MYRFL: variants seen among roughly 807,000 people sequenced by gnomAD.
MYRFL encodes the protein myelin regulatory factor-like protein.
MYRFL carries 88 observed loss-of-function variants against 109.4 expected under a neutral mutation model. That is an observed-to-expected ratio of 0.80 (90% CI 0.68 to 0.96). MYRFL has a LOEUF of 0.96. Ranked by LOEUF, MYRFL falls within the 40% of genes least tolerant of loss-of-function variation. The probability of loss-of-function intolerance (pLI) is 0.00; values close to 1 mark genes in which losing one functional copy is unlikely to be tolerated. For missense variants in MYRFL, 957 were observed against 954.9 expected (o/e 1.00, Z -0.03); for synonymous variants, 324 against 320.9 (o/e 1.01, Z -0.10).
chr12:69,888,735 A>G (rs1022878891), intron 6 of MYRFL, among the ~76,000 whole-genome samples: 3 of 152,206 alleles, frequency 2.0e-5, no homozygotes, highest in Admixed American at 2.0e-4. Flanking sequence ...AGCATAAAAC[A>G]TCACCAAAAA....
chr12:69,860,414 A>G (rs1884573536), intron 2 of MYRFL, among the ~76,000 whole-genome samples: 1 of 152,066 alleles, frequency 6.6e-6, no homozygotes, highest in African/African-American at 2.4e-5. Flanking sequence ...TCTTTTGATT[A>G]GTGTTTTTGT....
chr12:69,953,585 A>G (rs544495370), intron 21 of MYRFL, among the ~76,000 whole-genome samples: 47 of 152,124 alleles, frequency 3.1e-4, no homozygotes, highest in African/African-American at 1.1e-3. Flanking sequence ...CCTGGGCAAC[A>G]TGATGAGATC....
rs189331072 is a variant in MYRFL, at chr12:69,846,144, C to T, written c.47-9136C>T. Among the ~76,000 whole-genome samples the T allele has an allele frequency of 7.3e-3, 733 of 100,250 alleles. 7 individuals are homozygous for T. The highest frequency in any genetic ancestry group is 0.013 in the Middle Eastern group (2 of 150). 65.8% of individuals were successfully genotyped at this position (100,250 alleles called of 152,430 possible). On this transcript the variant is annotated intron_variant, in intron 1 of 24. Transcript: ENST00000552032. ...TTTTTTTTTTTTTTTATGACTGCCACAGTACTAGATACTTTTGTATGTCTC... is the reference window on the plus strand; with the variant it reads ...TTTTTTTTTTTTTTTATGACTGCCATAGTACTAGATACTTTTGTATGTCTC...
At chr12:69,848,178 T>A (rs537346371) in intron 1 of MYRFL, among the ~76,000 whole-genome samples, 127 of 152,252 alleles carry the variant, frequency 8.3e-4, no homozygotes, top group Non-Finnish European at 1.3e-3. Context: ...AATATTGGTC[T>A]GTTTATTGTT....
At chr12:69,854,395 T>G (rs1373262160) in intron 1 of MYRFL, among the ~76,000 whole-genome samples, 2 of 151,904 alleles carry the variant, frequency 1.3e-5, no homozygotes, top group East Asian at 1.9e-4. Flanking sequence ...TTAATTTTTT[T>G]GTTTTTGAGA....
At chr12:69,901,282 A>G (rs922368090) in intron 10 of MYRFL, among the ~76,000 whole-genome samples, 7 of 152,250 alleles carry the variant, frequency 4.6e-5, no homozygotes, top group Non-Finnish European at 1.0e-4. Context: ...AATTCCAGAA[A>G]GAGGTAGTAT....
rs74101359 is a variant in MYRFL, at chr12:69,870,843, C to G, written c.138-8185C>G. Among the ~76,000 whole-genome samples the G allele has an allele frequency of 2.4e-3, 367 of 152,314 alleles. 1 individual carries two copies. The highest frequency in any genetic ancestry group is 8.3e-3 in the African/African-American group (346 of 41,578). ...AAACCACCAACACATATTCCTGTCACTCAACGCAGGGACTTTTGGTTCTCG... is the reference window on the plus strand; with the variant it reads ...AAACCACCAACACATATTCCTGTCAGTCAACGCAGGGACTTTTGGTTCTCG... On this transcript the variant is annotated intron_variant, in intron 2 of 24. Coordinates refer to ENST00000552032, the MANE Select transcript of MYRFL (RefSeq NM_182530.3).
intron 13 of MYRFL, among the ~76,000 whole-genome samples, chr12:69,916,518 T>G (rs1335549909): frequency 6.6e-6 from 1 of 152,216 alleles, no homozygotes; most frequent in Admixed American, 6.5e-5. Flanking sequence ...ATATCAGTTC[T>G]CTTCTTTATT....
intron 7 of MYRFL, among the ~76,000 whole-genome samples, chr12:69,891,637 T>TTTTCTTTTTCTTTC (rs1886865615): frequency 5.6e-5 from 3 of 53,788 alleles, no homozygotes; most frequent in African/African-American, 1.7e-4. Context: ...CTTCCTTTCT[T>TTTTCTTTTTCTTTC]TTTCTTTCTT....
intron 10 of MYRFL, among the ~76,000 whole-genome samples, chr12:69,901,883 GT>G (rs1274815385): frequency 2.7e-5 from 2 of 75,334 alleles, no homozygotes; most frequent in Non-Finnish European, 6.2e-5. Context: ...TTTCACTGCT[GT>G]TTTTTTTTGT....
intron 19 of MYRFL, among the ~76,000 whole-genome samples, chr12:69,950,412 C>T (rs977012979): frequency 6.6e-6 from 1 of 152,158 alleles, no homozygotes; most frequent in Non-Finnish European, 1.5e-5. Flanking sequence ...CAGTCCATCT[C>T]CTATCTCCAT....
chr12:69,925,792 C>CT (rs1014292650), intron 13 of MYRFL, among the ~76,000 whole-genome samples: 2 of 151,686 alleles, frequency 1.3e-5, no homozygotes, highest in Non-Finnish European at 2.9e-5. Flanking sequence ...AAAAAAATTG[C>CT]TTTTTTTTAG....
chr12:69,883,640 A>G (rs1275757346), intron 5 of MYRFL, among the ~76,000 whole-genome samples: 1 of 150,906 alleles, frequency 6.6e-6, no homozygotes, highest in Non-Finnish European at 1.5e-5. Context: ...AGGTGGGTGG[A>G]TCGCTTGAGC....
chr12:69,889,789 G>A (rs1470299780), intron 6 of MYRFL, among the ~76,000 whole-genome samples: 5 of 152,064 alleles, frequency 3.3e-5, no homozygotes, highest in African/African-American at 1.2e-4. Context: ...CCCGGGAGGC[G>A]GAGGTCGCAG....
chr12:69,938,891 G>A (rs1186879346), intron 19 of MYRFL, among the ~76,000 whole-genome samples: 1 of 152,178 alleles, frequency 6.6e-6, no homozygotes, highest in African/African-American at 2.4e-5. Context: ...GAAGCGCAGG[G>A]TTCAGGGAGT....
intron 1 of MYRFL, among the ~76,000 whole-genome samples, chr12:69,850,112 C>A (rs1403051515): frequency 1.3e-5 from 2 of 152,170 alleles, no homozygotes; most frequent in Non-Finnish European, 2.9e-5. Flanking sequence ...GGGAGTTTCC[C>A]TGCACAAGCT....
chr12:69,898,437 A>G (rs1484551718), intron 10 of MYRFL, among the ~76,000 whole-genome samples: 1 of 152,186 alleles, frequency 6.6e-6, no homozygotes, highest in Non-Finnish European at 1.5e-5. Context: ...CATGCAGCAA[A>G]TGAGGATCAT....
chr12:69,835,019 G>C (rs1882851094), intron 1 of MYRFL, among the ~76,000 whole-genome samples: 1 of 152,192 alleles, frequency 6.6e-6, no homozygotes, highest in African/African-American at 2.4e-5. Flanking sequence ...GAAGGATTTT[G>C]TTCTAATTTT....
In MYRFL at chr12:69,958,554, A is replaced by G. The variant is rs1243779381; in HGVS notation, c.*23A>G. 7 of 1,481,032 alleles carry G rather than the reference A, an allele frequency of 4.7e-6. No homozygotes were observed. Among genetic ancestry groups the G allele is most frequent in the Non-Finnish European group, 5.4e-6 (6 of 1,107,910 alleles). The allele number at this position is 1,481,032 out of a possible 1,614,324, so 91.7% of individuals were successfully genotyped here. ...TAATTTGTTCAAGTTTGGGGACTTT[A>G]CCAAAGAAAAATACTCAGGAATACA... On this transcript the variant is annotated 3_prime_UTR_variant, in exon 25 of 25. Coordinates refer to ENST00000552032, the MANE Select transcript of MYRFL (RefSeq NM_182530.3).
Sources: allele counts gnomAD v4.1 joint callset (sites outside exome capture counted in the v4.1 genomes callset), GRCh38; gene constraint gnomAD v4.1.1; transcripts MANE v1.5; gene names NCBI Gene and HGNC (gene_info 2026-07-23, HGNC 2026-07-21).